The following ANKRD17 variants were observed in gnomAD, a reference collection of about 807,000 sequenced individuals.
The protein encoded by ANKRD17 is ankyrin repeat domain 17.
ANKRD17 carries 19 observed loss-of-function variants against 229.7 expected under a neutral mutation model. The observed-to-expected ratio is 0.08, with a 90% CI of 0.06 to 0.12. ANKRD17 has a LOEUF of 0.12. Ranked by LOEUF, ANKRD17 falls within the 10% of genes least tolerant of loss-of-function variation. The probability of loss-of-function intolerance (pLI) is 1.00; values close to 1 mark genes in which losing one functional copy is unlikely to be tolerated. For missense variants in ANKRD17, 2,176 were observed against 3,176.8 expected (o/e 0.68, Z 7.57); for synonymous variants, 1,112 against 1,146.1 (o/e 0.97, Z 0.60).
rs1243938778 is a variant in ANKRD17 at position 73,077,986 on chromosome 4, A to T, written c.7409-453T>A. Among the ~76,000 whole-genome samples, 5 of 151,774 alleles carry T rather than the reference A, an allele frequency of 3.3e-5. No individual in the cohort carries two copies. In the East Asian group the frequency reaches 7.8e-4, roughly 24 times the overall value. On this transcript the variant is annotated intron_variant, in intron 31 of 33. Transcript: ENST00000358602. ...ACTACGAGGCTGGGCGTGGTGGCTC[A>T]TGCCTGTAATGCCAGCACTTTGGGA...
chr4:73,086,920 ATATATATATATATAT>A (rs1366416156), intron 29 of ANKRD17, among the ~76,000 whole-genome samples: 1 of 10,990 alleles, frequency 9.1e-5, no homozygotes, highest in African/African-American at 2.8e-4. Context: ...AAAAAAAAAA[ATATATATATATATAT>A]ATATATATAT....
chr4:73,120,570 A>G (rs1054824956), intron 20 of ANKRD17, among the ~76,000 whole-genome samples: 2 of 151,792 alleles, frequency 1.3e-5, no homozygotes, highest in African/African-American at 2.4e-5. Flanking sequence ...GAAAGAAAAA[A>G]AAATCTGTTT....
At chr4:73,227,789 G>GA (rs1742659034) in intron 1 of ANKRD17, among the ~76,000 whole-genome samples, 9 of 151,926 alleles carry the variant, frequency 5.9e-5, no homozygotes. Flanking sequence ...CTTGAAGAAG[G>GA]AAAAAGAAAA....
chr4:73,139,910 C>A lies in ANKRD17; in HGVS notation c.2706G>T (p.Gln902His), dbSNP rs771195411. Residue 902 changes from glutamine (Q) to histidine (H), a missense_variant, in exon 15 of 34, where the codon CAG becomes CAT. By Grantham distance (24) the Gln-to-His change is conservative. Transcript: ENST00000358602. ...ATCCCAGGTGTTGGCAAGACTGTTG[C>A]TGCTGTTGCTGAAGTTGAATTCTTT... Reference protein sequence around the residue: ...KAQRIQLQQQQQQSCQHLGLL... With the variant: ...KAQRIQLQQQHQQSCQHLGLL... The A allele has an allele frequency of 3.7e-6, 6 of 1,614,230 alleles. No individual in the cohort carries two copies. Among genetic ancestry groups the A allele is most frequent in the Admixed American group, 1.7e-5 (1 of 60,022 alleles).
chr4:73,114,741 A>G (rs1725730606), intron 23 of ANKRD17, among the ~76,000 whole-genome samples: 1 of 152,220 alleles, frequency 6.6e-6, no homozygotes. Context: ...ACAAGTCTAG[A>G]GCTAGGAAAG....
At chr4:73,233,156 T>A (rs889890601) in intron 1 of ANKRD17, among the ~76,000 whole-genome samples, 17 of 152,218 alleles carry the variant, frequency 1.1e-4, no homozygotes, top group Non-Finnish European at 1.5e-4. Flanking sequence ...ACATGTTACA[T>A]CATTAATAGA....
intron 2 of ANKRD17, among the ~76,000 whole-genome samples, chr4:73,171,928 A>G (rs1426194924): frequency 3.3e-5 from 5 of 152,214 alleles, no homozygotes; most frequent in Non-Finnish European, 7.3e-5. Flanking sequence ...TCCAGAAAAC[A>G]GCCTCAAAAT....
intron 1 of ANKRD17, among the ~76,000 whole-genome samples, chr4:73,181,963 A>C (rs1735614642): frequency 6.8e-6 from 1 of 147,556 alleles, no homozygotes; most frequent in Non-Finnish European, 1.5e-5. Context: ...CAGGAGAATC[A>C]CTTAAACCCG....
At chr4:73,137,862 G>T (rs1366648236) in intron 15 of ANKRD17, among the ~76,000 whole-genome samples, 3 of 152,006 alleles carry the variant, frequency 2.0e-5, no homozygotes, top group African/African-American at 7.2e-5. Flanking sequence ...CAAAAGAAAA[G>T]ATACTTTACA....
rs763339378 is a variant in ANKRD17, at chr4:73,140,154, C to T, written c.2462G>A (p.Arg821Lys). 3.1e-6 allele frequency: 5 copies of T among 1,614,148 alleles called. No individual in the cohort carries two copies. The South Asian group carries it at 5.5e-5, about 18-fold the overall frequency. ...AQGKLTELEQ[R>K]IKEAIEKNAQ... ...ATTCTTTTCTATGGCTTCTTTTATC[C>T]TCTGTTCCAGTTCTGTTAACTTTCC... The change falls in exon 15 of 34, where the codon AGG becomes AAG. Residue 821 changes from arginine to lysine, a missense_variant. By Grantham distance (26) the Arg-to-Lys change is conservative. Coordinates refer to ENST00000358602, the MANE Select transcript of ANKRD17 (RefSeq NM_032217.5).
At chr4:73,203,584 C>T (rs1198941180) in intron 1 of ANKRD17, among the ~76,000 whole-genome samples, 2 of 151,350 alleles carry the variant, frequency 1.3e-5, no homozygotes, top group Non-Finnish European at 1.5e-5. Flanking sequence ...GGTGAAACCC[C>T]GTCTCTACTA....
At chr4:73,191,335 A>ATG (rs1491423447) in intron 1 of ANKRD17, among the ~76,000 whole-genome samples, 2 of 88,682 alleles carry the variant, frequency 2.3e-5, no homozygotes, top group African/African-American at 8.3e-5. Flanking sequence ...CTACCAAAAA[A>ATG]TATATATGTG....
At chr4:73,147,496 T>C (rs553778074) in intron 8 of ANKRD17, 64 bp from the exon 9 acceptor site, 2 of 1,271,454 alleles carry the variant, frequency 1.6e-6, no homozygotes, top group Admixed American at 2.9e-5. Context: ...ATGAAAAACA[T>C]GATTGTTTCT....
Position 73,098,397 on chromosome 4 carries a change from C to G in ANKRD17, c.4697G>C (p.Ser1566Thr). ...GKRNNTITTT[S>T]SKRKNRKNKI... Reference sequence around the variant, plus strand: ...ATTTTTCCTGTTTTTCCTCTTTGAACTGGTTGTAGTTATGGTATTATTTCT... The same window carrying G: ...ATTTTTCCTGTTTTTCCTCTTTGAAGTGGTTGTAGTTATGGTATTATTTCT... The change falls in exon 26 of 34, where the codon AGT (serine) becomes ACT (threonine). Residue 1566 changes from serine (S) to threonine (T), a missense_variant. Coordinates refer to ENST00000358602, the MANE Select transcript of ANKRD17 (RefSeq NM_032217.5). 1 of 1,614,116 alleles carries G rather than the reference C, an allele frequency of 6.2e-7. No homozygotes were observed. Among genetic ancestry groups the G allele is most frequent in the Non-Finnish European group, 8.5e-7 (1 of 1,180,030 alleles).
At chr4:73,195,329 T>C (rs1422719345) in intron 1 of ANKRD17, among the ~76,000 whole-genome samples, 1 of 152,226 alleles carries the variant, frequency 6.6e-6, no homozygotes, top group Non-Finnish European at 1.5e-5. Context: ...TTTTCTTTTC[T>C]TATAATATCT....
intron 1 of ANKRD17, among the ~76,000 whole-genome samples, chr4:73,256,012 T>C (rs961847267): frequency 2.0e-5 from 3 of 152,108 alleles, no homozygotes; most frequent in African/African-American, 7.2e-5. Flanking sequence ...AGGCGTGAGC[T>C]ACCACGCCCG....
chr4:73,148,859 T>C lies in ANKRD17; in HGVS notation c.1521A>G (p.Ala507=). 4 of 1,614,092 alleles carry C rather than the reference T, an allele frequency of 2.5e-6. No individual in the cohort carries two copies. The highest frequency in any genetic ancestry group is 2.5e-6 in the Non-Finnish European group (3 of 1,179,950). ...NDEGYTPLME[A]AREGHEEMVA... ...CCATTTCTTCATGTCCTTCTCGAGC[T>C]GCTTCCATCAATGGTGTATAACCTT... The change falls in exon 8 of 34, where the codon GCA becomes GCG. Residue 507 remains alanine, a synonymous_variant. Transcript: ENST00000358602.
In ANKRD17 at chr4:73,078,901, G is replaced by T; in HGVS notation, c.7160-11C>A. The T allele has an allele frequency of 6.2e-7, 1 of 1,602,976 alleles. No homozygotes were observed. The highest frequency in any genetic ancestry group is 2.2e-5 in the East Asian group (1 of 44,666). On this transcript the variant is annotated splice_polypyrimidine_tract_variant and intron_variant, in intron 30 of 33. Coordinates refer to ENST00000358602, the MANE Select transcript of ANKRD17 (RefSeq NM_032217.5). Reference sequence around the variant, plus strand: ...ACTGTGCAGAAGAATCTAGAGAAGAGATATTTTGAAATAAAATACAGGTCA... The same window carrying T: ...ACTGTGCAGAAGAATCTAGAGAAGATATATTTTGAAATAAAATACAGGTCA...
chr4:73,161,927 A>G (rs1040829766), intron 2 of ANKRD17, among the ~76,000 whole-genome samples: 1 of 151,982 alleles, frequency 6.6e-6, no homozygotes, highest in African/African-American at 2.4e-5. Context: ...CCCAAGCTGG[A>G]GTACGGTGGC....
Sources: gnomAD v4.1 joint callset for allele counts (sites outside exome capture counted in the v4.1 genomes callset) on GRCh38, gnomAD v4.1.1 for gene constraint, MANE v1.5 for transcripts, NCBI Gene and HGNC (gene_info 2026-07-23, HGNC 2026-07-21) for gene names.